BTNL9: variants seen among roughly 807,000 people sequenced by gnomAD.
BTNL9 encodes butyrophilin like 9.
A neutral mutation model predicts 45.8 loss-of-function variants in BTNL9; 45 were observed. The ratio of observed to expected loss-of-function variants is 0.98; its 90% confidence interval spans 0.77 to 1.26. The LOEUF is 1.26. Ranked by LOEUF, BTNL9 falls within the 50% of genes most tolerant of loss-of-function variation. The pLI is 0.00. For synonymous variants in BTNL9, 346 were observed against 330.8 expected, an observed-to-expected ratio of 1.05 and a Z score of -0.50; for missense variants, 784 against 729.7, an observed-to-expected ratio of 1.07 and a Z score of -0.86.
chr5:181,054,601 G>T, intron 7 of BTNL9: 1 of 985,392 alleles, frequency 1.0e-6, no homozygotes, highest in Non-Finnish European at 1.2e-6. Context: ...CCTTTAATTT[G>T]CACCAAAATG....
At chr5:181,046,148 TCCCCAGC>T (rs1761124348) in intron 2 of BTNL9, among the ~76,000 whole-genome samples, 1 of 80,144 alleles carries the variant, frequency 1.2e-5, no homozygotes, top group South Asian at 4.4e-4. Context: ...CTCCACCATC[TCCCCAGC>T]CTCCAACACC....
intron 10 of BTNL9, 146 bp from the exon 11 acceptor site, chr5:181,059,091 G>A: frequency 7.6e-7 from 1 of 1,317,224 alleles, no homozygotes; most frequent in Admixed American, 3.3e-5. Context: ...TCCTGGGGAG[G>A]GGGTTTGCAG....
Position 181,059,396 on chromosome 5 carries a change from C to G in BTNL9, c.1142C>G (p.Ala381Gly), listed in dbSNP as rs764203669. The stretch of plus-strand genomic sequence containing the variant: ...GCGCTGAGCCTGGAGCGGTTCTCCG[C>G]CGGCCGCCACTACTGGGAGGTGCAC... ...TCALSLERFS[A>G]GRHYWEVHVG... Residue 381 changes from alanine (A) to glycine (G), a missense_variant, in exon 11 of 11, where the codon GCC becomes GGC. By Grantham distance (60) the Ala-to-Gly change is moderately conservative (BLOSUM62 0). Transcript: ENST00000327705. 1 of 1,524,244 alleles carries G rather than the reference C, an allele frequency of 6.6e-7. No individual in the cohort carries two copies. Among genetic ancestry groups the G allele is most frequent in the South Asian group, 1.2e-5 (1 of 82,186 alleles). 94.4% of individuals were successfully genotyped at this position (1,524,244 alleles called of 1,614,324 possible).
chr5:181,059,156 G>A (rs1363297635), intron 10 of BTNL9, 81 bp from the exon 11 acceptor site: 4 of 1,410,628 alleles, frequency 2.8e-6, no homozygotes, highest in Admixed American at 5.9e-5. Flanking sequence ...CAAGAGAAAC[G>A]AGAGGTTTGT....
rs763415169 is a variant in BTNL9, at chr5:181,059,262, G to T, written c.1008G>T (p.Ser336=). ...TGGATGTGACGCTGGACCCGGCCTC[G>T]GCGCACCCCAGCCTGGAGGTGTCGG... ...YAVDVTLDPA[S]AHPSLEVSED... Residue 336 remains serine (S), a synonymous_variant, in exon 11 of 11, where the codon TCG becomes TCT. Transcript: ENST00000327705. 6.4e-7 allele frequency: 1 copy of T among 1,564,626 alleles called. No individual in the cohort carries two copies. The highest frequency in any genetic ancestry group is 8.6e-7 in the Non-Finnish European group (1 of 1,164,480).
At position 181,053,550 on chromosome 5, in the gene BTNL9, C is replaced by T. The variant is rs1761700703; in HGVS notation, c.886+49C>T. 1 of 1,554,808 alleles carries T rather than the reference C, an allele frequency of 6.4e-7. No individual in the cohort carries two copies. Among genetic ancestry groups the T allele is most frequent in the African/African-American group, 1.4e-5 (1 of 73,448 alleles). Reference sequence around the variant, plus strand: ...CACGCACCTGCCCAAGTGCCAAAACCCGCCGTCATCTAAAGGCTGTGGGTC... The same window carrying T: ...CACGCACCTGCCCAAGTGCCAAAACTCGCCGTCATCTAAAGGCTGTGGGTC... On this transcript the variant is annotated intron_variant, in intron 6 of 10. Coordinates refer to ENST00000327705, the MANE Select transcript of BTNL9 (RefSeq NM_152547.5). This position sits in a 1 kb window ranked among gnomAD's most constrained non-coding sequence, Gnocchi z 6.5.
intron 2 of BTNL9, among the ~76,000 whole-genome samples, 156 bp downstream of exon 2, chr5:181,045,754 G>C (rs1480359822): frequency 6.6e-6 from 1 of 151,526 alleles, no homozygotes; most frequent in Non-Finnish European, 1.5e-5. Flanking sequence ...ACTACCCCGA[G>C]CATTACCCAG....
chr5:181,060,089 G>T lies in BTNL9; in HGVS notation c.*227G>T. On this transcript the variant is annotated 3_prime_UTR_variant, in exon 11 of 11. Coordinates refer to ENST00000327705, the MANE Select transcript of BTNL9 (RefSeq NM_152547.5). ...TTGTGGATTGTGGGACTGAGCGAAG[G>T]AGTACAAATATATCCACGTCGCTCA... 1 of 547,132 alleles carries T rather than the reference G, an allele frequency of 1.8e-6. No individual in the cohort carries two copies. The highest frequency in any genetic ancestry group is 3.2e-6 in the Non-Finnish European group (1 of 312,216). The allele number at this position is 547,132 out of a possible 1,614,324, so 33.9% of individuals were successfully genotyped here.
In BTNL9 at chr5:181,053,224, C is replaced by T. The variant is rs200999876; in HGVS notation, c.761C>T (p.Ala254Val). 151 of 1,589,168 alleles carry T rather than the reference C, an allele frequency of 9.5e-5. No individual in the cohort carries two copies. In the African/African-American group the frequency reaches 1.7e-3, roughly 18 times the overall value. Residue 254 changes from alanine to valine, a missense_variant, in exon 5 of 11, where the codon GCG (alanine) becomes GTG (valine). Physicochemically the swap from Ala to Val is moderately conservative, Grantham distance 64. Transcript: ENST00000327705. This position sits in a 1 kb window ranked among gnomAD's most constrained non-coding sequence, Gnocchi z 6.5. Reference protein sequence around the residue: ...IADVFVPGASAWKSAFVATLP... With the variant: ...IADVFVPGASVWKSAFVATLP... ...GACGTGTTCGTACCCGGAGCCTCTG[C>T]GTGGAAGAGCGCGTTCGTCGCGACC...
Position 181,059,589 on chromosome 5 carries a change from C to G in BTNL9, c.1335C>G (p.Pro445=), listed in dbSNP as rs1463225467. The change falls in exon 11 of 11, where the codon CCC becomes CCG. Residue 445 remains proline, a synonymous_variant. Transcript: ENST00000327705. The part of the protein sequence containing the change: ...PHRVALTLRV[P]PRRLGVFLDY... ...GCGTCGCGCTCACCCTGCGCGTGCC[C>G]CCGCGGCGCCTGGGCGTCTTCCTGG... 6.2e-7 allele frequency: 1 copy of G among 1,613,012 alleles called. No individual in the cohort carries two copies. Among genetic ancestry groups the G allele is most frequent in the East Asian group, 2.2e-5 (1 of 44,872 alleles).
rs1241074299 is a variant in BTNL9, at chr5:181,048,090, G to A, written c.273G>A (p.Glu91=). The change falls in exon 3 of 11, where the codon GAG becomes GAA. Residue 91 remains glutamate (E), a synonymous_variant. Transcript: ENST00000327705. ...NVVHLYQEQQ[E]LPGRQMPAFR... is the part of the protein sequence containing the mutation. ...TACACCTGTACCAGGAGCAGCAGGA[G>A]CTCCCTGGCAGGCAGATGCCGGCGT... is the stretch of plus-strand genomic sequence containing the variant. The A allele has an allele frequency of 1.2e-6, 2 of 1,613,666 alleles. No homozygotes were observed. The highest frequency in any genetic ancestry group is 1.7e-6 in the Non-Finnish European group (2 of 1,180,018).
In BTNL9 at chr5:181,059,729, A is replaced by G; in HGVS notation, c.1475A>G (p.Asp492Gly). The change falls in exon 11 of 11, where the codon GAC becomes GGC. Residue 492 changes from aspartate to glycine, a missense_variant. Asp to Gly is a moderately conservative substitution (Grantham distance 94). Coordinates refer to ENST00000327705, the MANE Select transcript of BTNL9 (RefSeq NM_152547.5). ...GCGTACTTCAGGCCCAGGGCCCACGACGGCGGCGAACATCCGGATCCCCTG... is the reference window on the plus strand; with the variant it reads ...GCGTACTTCAGGCCCAGGGCCCACGGCGGCGGCGAACATCCGGATCCCCTG... Reference protein sequence around the residue: ...LCAYFRPRAHDGGEHPDPLTI... With the variant: ...LCAYFRPRAHGGGEHPDPLTI... 1 of 1,613,020 alleles carries G rather than the reference A, an allele frequency of 6.2e-7. No homozygotes were observed. Among genetic ancestry groups the G allele is most frequent in the South Asian group, 1.1e-5 (1 of 91,054 alleles).
chr5:181,053,968 G>C lies in BTNL9; in HGVS notation c.887-271G>C. ...GCTTAACGTTTCCGCCGAGCTAATA[G>C]ATTTGGGAGGCTCCGACCCTGATTT... is the stretch of plus-strand genomic sequence containing the variant. On this transcript the variant is annotated intron_variant, in intron 6 of 10. Coordinates refer to ENST00000327705, the MANE Select transcript of BTNL9 (RefSeq NM_152547.5). This position sits in a 1 kb window ranked among gnomAD's most constrained non-coding sequence, Gnocchi z 6.5. 6.5e-7 allele frequency: 1 copy of C among 1,529,588 alleles called. No individual in the cohort carries two copies. Among genetic ancestry groups the C allele is most frequent in the Non-Finnish European group, 8.8e-7 (1 of 1,142,370 alleles). The allele number at this position is 1,529,588 out of a possible 1,614,324, so 94.8% of individuals were successfully genotyped here.
rs1467702689 is a variant in BTNL9 at position 181,058,383 on chromosome 5, C to A, written c.982+5C>A. On this transcript the variant is annotated splice_donor_5th_base_variant and intron_variant, in intron 10 of 10. Transcript: ENST00000327705. ...GAGCAGCCCAAAAATATGCAGGTAA[C>A]TGAAGCCAGGAAACTGATTTGTGTT... 6.2e-7 allele frequency: 1 copy of A among 1,614,114 alleles called. No homozygotes were observed. The highest frequency in any genetic ancestry group is 1.6e-4 in the Middle Eastern group (1 of 6,062).
At chr5:181,054,147 C>T in intron 6 of BTNL9, 92 bp from the exon 7 acceptor site, 6 of 1,586,142 alleles carry the variant, frequency 3.8e-6, no homozygotes, top group Middle Eastern at 1.7e-4. Context: ...GGAGGTGAGG[C>T]CTCAGTGTTC....
chr5:181,056,465 T>C (rs1761887638), intron 9 of BTNL9: 2 of 695,452 alleles, frequency 2.9e-6, no homozygotes, highest in Non-Finnish European at 2.7e-6. Flanking sequence ...GCTTTTCCCG[T>C]ATGCATCATC....
At chr5:181,056,485 T>TA in intron 9 of BTNL9, 1 of 709,354 alleles carries the variant, frequency 1.4e-6, no homozygotes, top group East Asian at 2.7e-5. Context: ...CATGCTTTAA[T>TA]ATCCATCGCT....
chr5:181,058,499 A>G, intron 10 of BTNL9, 121 bp downstream of exon 10: 1 of 1,268,814 alleles, frequency 7.9e-7, no homozygotes, highest in South Asian at 1.2e-5. Context: ...GGGCCTGCAC[A>G]CACAAGACAC....
Position 181,042,258 on chromosome 5 carries a change from G to T in BTNL9, c.-24+1826G>T, listed in dbSNP as rs929920940. 2.6e-5 allele frequency among the ~76,000 whole-genome samples: 4 copies of T among 152,220 alleles called. No individual in the cohort carries two copies. The highest frequency in any genetic ancestry group is 4.4e-5 in the Non-Finnish European group (3 of 68,046). The stretch of plus-strand genomic sequence containing the variant: ...GGAGGACAAGCAGCACGTGCCCGCC[G>T]GCAGAGCTCAGCTCCAGCTGGAGGA... On this transcript the variant is annotated intron_variant, in intron 1 of 10. Coordinates refer to ENST00000327705, the MANE Select transcript of BTNL9 (RefSeq NM_152547.5). This position sits in a 1 kb window ranked among gnomAD's most constrained non-coding sequence, Gnocchi z 4.5.
Sources: allele counts gnomAD v4.1 joint callset (sites outside exome capture counted in the v4.1 genomes callset), GRCh38; gene constraint gnomAD v4.1.1; non-coding constraint Gnocchi (gnomAD v3.1); transcripts MANE v1.5; gene names NCBI Gene and HGNC (gene_info 2026-07-23, HGNC 2026-07-21).